SLC30A10: variants seen among roughly 807,000 people sequenced by gnomAD.
The protein encoded by SLC30A10 is calcium/manganese antiporter SLC30A10.
Under a neutral mutation model 21.7 loss-of-function variants are expected in SLC30A10, and 8 were observed. That is an observed-to-expected ratio of 0.37 (90% CI 0.22 to 0.67). SLC30A10 has a LOEUF of 0.67. Ranked by LOEUF, SLC30A10 falls within the 30% of genes least tolerant of loss-of-function variation. The probability of loss-of-function intolerance (pLI) is 0.58; values close to 1 mark genes in which losing one functional copy is unlikely to be tolerated. For synonymous variants in SLC30A10, 272 were observed against 279.4 expected (o/e 0.97, Z 0.26); for missense variants, 521 against 642.5 (o/e 0.81, Z 2.04).
In SLC30A10 at chr1:219,928,459, C is replaced by A. The variant is rs199933401; in HGVS notation, c.-19G>T. 7.0e-6 allele frequency: 11 copies of A among 1,575,954 alleles called. No individual in the cohort carries two copies. In the South Asian group the frequency reaches 1.0e-4, roughly 15 times the overall value. ...GGCCCATCTCGCCACCAGCCCCGGG[C>A]GCCCGGCGCCGCCCAGGGGAGCGCA... On this transcript the variant is annotated 5_prime_UTR_variant, in exon 1 of 4. Transcript: ENST00000366926. The surrounding 1 kb of genome is among the most constrained non-coding windows in gnomAD (Gnocchi z 6.3).
At chr1:219,958,103 G>A (rs1660376596) in intron 1 of SLC30A10, among the ~76,000 whole-genome samples, 1 of 152,066 alleles carries the variant, frequency 6.6e-6, no homozygotes, top group Non-Finnish European at 1.5e-5. Context: ...CTGATTGTCT[G>A]ATACTGTGCT....
chr1:219,924,140 G>C (rs1046065494), intron 2 of SLC30A10, among the ~76,000 whole-genome samples: 1 of 152,212 alleles, frequency 6.6e-6, no homozygotes, highest in African/African-American at 2.4e-5. Context: ...AGAAAGTGAA[G>C]AAATTGTTTT....
chr1:219,930,025 A>C (rs1659943590), upstream of SLC30A10, among the ~76,000 whole-genome samples: 1 of 152,102 alleles, frequency 6.6e-6, no homozygotes, highest in Non-Finnish European at 1.5e-5. Flanking sequence ...CTCATCCCAT[A>C]GAGGATTTGA....
chr1:219,953,896 T>C (rs11118466), intron 1 of SLC30A10, among the ~76,000 whole-genome samples: 52,822 of 150,884 alleles, frequency 0.35, 9,575 homozygotes, highest in Non-Finnish European at 0.41. Context: ...TTAGTAGAGA[T>C]GGGGTTTCAC....
intron 1 of SLC30A10, among the ~76,000 whole-genome samples, chr1:219,935,246 A>G (rs1660030674): frequency 6.6e-6 from 1 of 152,210 alleles, no homozygotes; most frequent in Admixed American, 6.5e-5. Context: ...GTAAGTTACA[A>G]CAAGGTTTCC....
intron 1 of SLC30A10, among the ~76,000 whole-genome samples, chr1:219,954,581 G>A (rs1001447069): frequency 6.7e-6 from 1 of 150,016 alleles, no homozygotes; most frequent in African/African-American, 2.4e-5. Flanking sequence ...TTGGGAGGCC[G>A]AGGCACGAGA....
intron 1 of SLC30A10, among the ~76,000 whole-genome samples, chr1:219,945,469 C>T (rs1225370437): frequency 6.6e-6 from 1 of 151,662 alleles, no homozygotes; most frequent in Non-Finnish European, 1.5e-5. Context: ...TAATGAGAAC[C>T]GAAGTTAAAA....
chr1:219,913,264 T>C lies in SLC30A10; in HGVS notation c.*2185A>G, dbSNP rs576744829. Among the ~76,000 whole-genome samples, 3 of 152,364 alleles carry C rather than the reference T, an allele frequency of 2.0e-5. No individual in the cohort carries two copies. The highest frequency in any genetic ancestry group is 7.2e-5 in the African/African-American group (3 of 41,594). On this transcript the variant is annotated 3_prime_UTR_variant, in exon 4 of 4. Transcript: ENST00000366926. The stretch of plus-strand genomic sequence containing the variant: ...ATTACTTCATATTGACTCCAGGCCA[T>C]AATCTGGTATAACTGTCTATCAAGA...
chr1:219,928,014 A>T lies in SLC30A10; in HGVS notation c.427T>A (p.Cys143Ser). Residue 143 changes from cysteine (C) to serine (S), a missense_variant, in exon 1 of 4, where the codon TGC becomes AGC. Coordinates refer to ENST00000366926, the MANE Select transcript of SLC30A10 (RefSeq NM_018713.3). This position sits in a 1 kb window ranked among gnomAD's most constrained non-coding sequence, Gnocchi z 6.3. The part of the protein sequence containing the change: ...IFQDCAAWFA[C>S]CLRGRSRRLQ... ...CGGCGACTGCGTCCCCGGAGGCAGC[A>T]CGCGAACCAGGCGGCGCAGTCCTGG... The T allele has an allele frequency of 6.4e-7, 1 of 1,569,472 alleles. No individual in the cohort carries two copies.
Position 219,918,571 on chromosome 1 carries a change from G to A in SLC30A10, c.719-77C>T. ...GACACTCACTGACTTGGGTGTCCGG[G>A]TATATGAATATCTGTTACCATTTGG... On this transcript the variant is annotated intron_variant, in intron 2 of 3. Transcript: ENST00000366926. This position sits in a 1 kb window ranked among gnomAD's most constrained non-coding sequence, Gnocchi z 4.4. 5 of 1,496,852 alleles carry A rather than the reference G, an allele frequency of 3.3e-6. No homozygotes were observed. The highest frequency in any genetic ancestry group is 4.5e-6 in the Non-Finnish European group (5 of 1,121,868). 92.7% of individuals were successfully genotyped at this position (1,496,852 alleles called of 1,614,324 possible).
At chr1:219,953,544 G>A (rs558196915) in intron 1 of SLC30A10, among the ~76,000 whole-genome samples, 6 of 151,834 alleles carry the variant, frequency 4.0e-5, no homozygotes, top group African/African-American at 7.2e-5. Context: ...AGAGGTTATC[G>A]TGAGCCCGAG....
At position 219,925,651 on chromosome 1, in the gene SLC30A10, A is replaced by ATATATATATATTTTT. The variant is rs1317554458; in HGVS notation, c.718+1376_718+1377insAAAAATATATATATA. Among the ~76,000 whole-genome samples, 80 of 48,264 alleles carry ATATATATATATTTTT rather than the reference A, an allele frequency of 1.7e-3. 2 individuals carry two copies. Among genetic ancestry groups the ATATATATATATTTTT allele is most frequent in the Admixed American group, 6.2e-3 (16 of 2,578 alleles). The allele number at this position is 48,264 out of a possible 152,430, so 31.7% of individuals were successfully genotyped here. A position where few individuals can be genotyped will look rare whatever the true frequency, so the allele number is the denominator to read the frequency against. On this transcript the variant is annotated intron_variant, in intron 2 of 3. Transcript: ENST00000366926. ...TGTGTACATATATATATATATATAT[A>ATATATATATATTTTT]TTTTTTTTTTTTTTTTTTTTTTGAG...
chr1:219,940,607 G>A (rs1660107736), intron 1 of SLC30A10, among the ~76,000 whole-genome samples: 1 of 152,204 alleles, frequency 6.6e-6, no homozygotes, highest in Non-Finnish European at 1.5e-5. Flanking sequence ...GAGAGGAGAA[G>A]ACAATGGATA....
At chr1:219,916,509 A>G (rs1234577393) in intron 3 of SLC30A10, among the ~76,000 whole-genome samples, 1 of 152,250 alleles carries the variant, frequency 6.6e-6, no homozygotes, top group East Asian at 1.9e-4. Flanking sequence ...AATGTACATA[A>G]GGTATTTTTA....
chr1:219,927,216 G>C, intron 1 of SLC30A10, 111 bp from the exon 2 acceptor site: 1 of 1,133,620 alleles, frequency 8.8e-7, no homozygotes, highest in Non-Finnish European at 1.3e-6. Context: ...CTAGCTTAAG[G>C]GAGACCCTTC....
upstream of SLC30A10, among the ~76,000 whole-genome samples, chr1:219,930,999 G>A (rs543433010): frequency 6.6e-6 from 1 of 152,320 alleles, no homozygotes; most frequent in Admixed American, 6.5e-5. Context: ...TCAGAGTACT[G>A]TAGCCATTGC....
In SLC30A10 at chr1:219,912,387, A is replaced by G. The variant is rs1216433205; in HGVS notation, c.*3062T>C. ...AATGTTGAGAGTCAGAAAATGAAAC[A>G]GACAGTATTTCCTATGGCCAATGCT... On this transcript the variant is annotated 3_prime_UTR_variant, in exon 4 of 4. Transcript: ENST00000366926. Among the ~76,000 whole-genome samples the G allele has an allele frequency of 1.3e-5, 2 of 152,132 alleles. No individual in the cohort carries two copies. The highest frequency in any genetic ancestry group is 4.8e-5 in the African/African-American group (2 of 41,424).
chr1:219,945,603 A>C (rs1170935005), intron 1 of SLC30A10, among the ~76,000 whole-genome samples: 2 of 152,254 alleles, frequency 1.3e-5, no homozygotes, highest in Non-Finnish European at 2.9e-5. Context: ...GGACAGAATA[A>C]GATCAAATAT....
Position 219,922,176 on chromosome 1 carries a change from G to GTTTTT in SLC30A10, c.719-3687_719-3683dup, listed in dbSNP as rs869249213. Among the ~76,000 whole-genome samples the GTTTTT allele has an allele frequency of 6.0e-4, 22 of 36,434 alleles. 1 individual carries two copies. The highest frequency in any genetic ancestry group is 1.1e-3 in the Admixed American group (3 of 2,724). The allele number at this position is 36,434 out of a possible 152,430, so 23.9% of individuals were successfully genotyped here. ...TTCTTGTTTGTGTGTGTGTGTGTGT[G>GTTTTT]TTTTTTTTTTTTTTTTTTTTTTTTT... On this transcript the variant is annotated intron_variant, in intron 2 of 3. Transcript: ENST00000366926.
Sources: allele counts gnomAD v4.1 joint callset (sites outside exome capture counted in the v4.1 genomes callset), GRCh38; gene constraint gnomAD v4.1.1; non-coding constraint Gnocchi (gnomAD v3.1); transcripts MANE v1.5; gene names NCBI Gene and HGNC (gene_info 2026-07-23, HGNC 2026-07-21).